Variants in FSAF1 observed in about 807,000 individuals in gnomAD.
FSAF1 encodes the protein 40S small subunit processome assembly factor 1.
chr1:231,226,452 T>A, the FSAF1 span: 1 of 476,678 alleles, frequency 2.1e-6, no homozygotes, highest in African/African-American at 1.9e-5. Context: ...ATGCTCCAAA[T>A]CAGCCTCCTT....
chr1:231,237,746 T>C, the FSAF1 span: 1 of 152,252 alleles, frequency 6.6e-6, no homozygotes, highest in South Asian at 2.1e-4. Flanking sequence ...GGTAATTTGT[T>C]ATAGCAGGCT....
the FSAF1 span, among the ~76,000 whole-genome samples, chr1:231,234,162 G>T: frequency 1.3e-5 from 2 of 152,240 alleles, no homozygotes; most frequent in East Asian, 3.9e-4. The surrounding 1 kb of genome is among the most constrained non-coding windows in gnomAD (Gnocchi z 4.0). Context: ...ATATGCTCAG[G>T]GGCGGCCTTC....
the FSAF1 span, among the ~76,000 whole-genome samples, chr1:231,231,984 T>C: frequency 6.6e-6 from 1 of 152,186 alleles, no homozygotes; most frequent in Non-Finnish European, 1.5e-5. Flanking sequence ...TAGCTATTGA[T>C]GGCTTTTTGA....
chr1:231,231,619 T>C, the FSAF1 span, among the ~76,000 whole-genome samples: 20 of 152,296 alleles, frequency 1.3e-4, no homozygotes, highest in African/African-American at 4.6e-4. Flanking sequence ...TTGGCCGATC[T>C]GTTACTAGAG....
At chr1:231,224,361 T>C in the FSAF1 span, 2 of 1,613,168 alleles carry the variant, frequency 1.2e-6, no homozygotes, top group Non-Finnish European at 1.7e-6. Flanking sequence ...TTTTCCAACC[T>C]GTCCAATCCG....
At chr1:231,225,505 A>C in the FSAF1 span, 1 of 1,613,742 alleles carries the variant, frequency 6.2e-7, no homozygotes, top group South Asian at 1.1e-5. Context: ...TTTTTCTTGA[A>C]AATATCTGTT....
the FSAF1 span, among the ~76,000 whole-genome samples, chr1:231,233,047 C>A: frequency 1.2e-3 from 185 of 152,252 alleles, 3 homozygotes; most frequent in African/African-American, 4.4e-3. Flanking sequence ...GGAAGTCTGG[C>A]GTAAAAGTAA....
At chr1:231,239,034 G>C in the FSAF1 span, 14 of 1,614,054 alleles carry the variant, frequency 8.7e-6, no homozygotes, top group South Asian at 1.5e-4. Context: ...TAAGTTCCTT[G>C]AAGAAGCTCG....
the FSAF1 span, among the ~76,000 whole-genome samples, chr1:231,232,937 T>C: frequency 3.9e-5 from 6 of 152,196 alleles, no homozygotes; most frequent in African/African-American, 1.4e-4. Flanking sequence ...GACGGCTGTA[T>C]GAATATTAAG....
At chr1:231,229,617 T>C in the FSAF1 span, among the ~76,000 whole-genome samples, 1 of 152,230 alleles carries the variant, frequency 6.6e-6, no homozygotes, top group Non-Finnish European at 1.5e-5. Context: ...GATGGACAGA[T>C]ACTTTTGAAC....
the FSAF1 span, among the ~76,000 whole-genome samples, chr1:231,229,529 G>A: frequency 6.6e-6 from 1 of 152,188 alleles, no homozygotes; most frequent in African/African-American, 2.4e-5. Flanking sequence ...AAAAGAACTT[G>A]AAGAGATATT....
the FSAF1 span, chr1:231,226,925 C>CT: frequency 6.8e-6 from 11 of 1,610,422 alleles, no homozygotes; most frequent in Non-Finnish European, 9.3e-6. Context: ...CTTGCTCTTG[C>CT]TTTTTTTGCA....
the FSAF1 span, chr1:231,241,175 C>T: frequency 1.3e-6 from 2 of 1,587,116 alleles, no homozygotes; most frequent in African/African-American, 1.3e-5. Context: ...CCGGGTTCCG[C>T]GACTGCGCGC....
the FSAF1 span, among the ~76,000 whole-genome samples, chr1:231,228,977 G>A: frequency 6.6e-6 from 1 of 152,164 alleles, no homozygotes; most frequent in East Asian, 1.9e-4. Flanking sequence ...CAACAAGAGT[G>A]AAACTCTGTC....
the FSAF1 span, among the ~76,000 whole-genome samples, chr1:231,228,475 T>C: frequency 1.3e-4 from 20 of 152,056 alleles, no homozygotes; most frequent in African/African-American, 4.6e-4. Flanking sequence ...GGCACACGCC[T>C]GTAATCCCAG....
chr1:231,225,645 C>T, the FSAF1 span: 3 of 845,590 alleles, frequency 3.5e-6, no homozygotes, highest in Non-Finnish European at 5.9e-6. Flanking sequence ...TTCAAGTGGG[C>T]ATATTAAACA....
the FSAF1 span, among the ~76,000 whole-genome samples, chr1:231,232,225 C>T: frequency 1.5e-3 from 235 of 152,324 alleles, no homozygotes; most frequent in African/African-American, 5.1e-3. Context: ...CCCATATTCT[C>T]TGCAGTAGGA....
the FSAF1 span, among the ~76,000 whole-genome samples, chr1:231,230,981 T>A: frequency 4.6e-5 from 7 of 152,344 alleles, no homozygotes; most frequent in Admixed American, 4.6e-4. Context: ...TGACTGGCTC[T>A]CCGTGGGCTT....
At chr1:231,229,350 ATAACAAGTGT>A in the FSAF1 span, 7 of 492,622 alleles carry the variant, frequency 1.4e-5, 1 homozygote, top group South Asian at 3.4e-4. Context: ...AAACCAGAAA[ATAACAAGTGT>A]TGGCAAGGAT....
Sources: allele counts gnomAD v4.1 joint callset (sites outside exome capture counted in the v4.1 genomes callset), GRCh38; gene constraint gnomAD v4.1.1; non-coding constraint Gnocchi (gnomAD v3.1); transcripts MANE v1.5; gene names NCBI Gene and HGNC (gene_info 2026-07-23, HGNC 2026-07-21).